The following FAM234A variants were observed in gnomAD, a reference collection of about 807,000 sequenced individuals.
FAM234A encodes the protein family with sequence similarity 234 member A.
In FAM234A, 42 loss-of-function variants were observed where a neutral mutation model predicts 49.1. That is an observed-to-expected ratio of 0.86 (90% CI 0.67 to 1.11). The LOEUF is 1.11. Ranked by LOEUF, FAM234A falls within the 50% of genes least tolerant of loss-of-function variation. FAM234A has a pLI of 0.00. For missense variants in FAM234A, 815 were observed against 745.2 expected, an observed-to-expected ratio of 1.09 and a Z score of -1.09; for synonymous variants, 369 against 316.2, an observed-to-expected ratio of 1.17 and a Z score of -1.77.
At chr16:262,392 G>A (rs1452797037) in intron 7 of FAM234A, 32 bp from the exon 8 acceptor site, 2 of 1,569,740 alleles carry the variant, frequency 1.3e-6, no homozygotes, top group Admixed American at 1.8e-5. Flanking sequence ...GCGTGACCCT[G>A]GTGACCTCGG....
downstream of FAM234A, among the ~76,000 whole-genome samples, chr16:266,842 G>A (rs534340156): frequency 2.0e-5 from 3 of 152,244 alleles, no homozygotes; most frequent in South Asian, 6.2e-4. Context: ...TGGGGCTGGA[G>A]GGAGAAGGGA....
chr16:236,495 C>T (rs1477798409), intron 1 of FAM234A, among the ~76,000 whole-genome samples: 1 of 151,458 alleles, frequency 6.6e-6, no homozygotes, highest in South Asian at 2.1e-4. Context: ...TGGTGGCGCA[C>T]ACCTGTAGTC....
Position 264,637 on chromosome 16 carries a change from C to G in FAM234A, c.1368C>G (p.Ser456Arg), listed in dbSNP as rs1486955369. The G allele has an allele frequency of 6.2e-7, 1 of 1,611,150 alleles. No homozygotes were observed. The highest frequency in any genetic ancestry group is 8.5e-7 in the Non-Finnish European group (1 of 1,179,724). ...SETETGEARH[S>R]LYMFHPTLPR... ...AGGAGACCGGGGAGGCCCGGCACAGCCTGTACATGTTCCACCCCACCCTGC... is the reference window on the plus strand; with the variant it reads ...AGGAGACCGGGGAGGCCCGGCACAGGCTGTACATGTTCCACCCCACCCTGC... The change falls in exon 12 of 13, where the codon AGC becomes AGG. Residue 456 changes from serine to arginine, a missense_variant. Physicochemically the swap from Ser to Arg is moderately radical, Grantham distance 110. Transcript: ENST00000399932.
At chr16:267,695 C>A (rs112263442), downstream of FAM234A, among the ~76,000 whole-genome samples, 12 of 128,660 alleles carry the variant, frequency 9.3e-5, no homozygotes, top group African/African-American at 4.0e-4. Context: ...ACGTGCACTA[C>A]ACACAATCAC....
intron 1 of FAM234A, chr16:248,242 A>G (rs2050884644): frequency 6.6e-6 from 1 of 152,004 alleles, no homozygotes; most frequent in Non-Finnish European, 1.5e-5. Flanking sequence ...ATCTTGTTAC[A>G]GAGATGGTCC....
At chr16:258,740 G>A (rs1332385231) in intron 3 of FAM234A, among the ~76,000 whole-genome samples, 1 of 152,204 alleles carries the variant, frequency 6.6e-6, no homozygotes, top group Non-Finnish European at 1.5e-5. Flanking sequence ...GCCGGGCAGA[G>A]GCGCCCCTCA....
rs185960630 is a variant in FAM234A, at chr16:249,484, T to C, written c.-139-65T>C. ...AGTCATGTCTTTGGGAGGATCTAAG[T>C]TCCTGACCTGCCACCTTCGCAGGCT... On this transcript the variant is annotated intron_variant, in intron 1 of 12. Transcript: ENST00000399932. The C allele has an allele frequency of 3.1e-4, 47 of 152,098 alleles. 4 individuals are homozygous for C. Among genetic ancestry groups the C allele is most frequent in the Admixed American group, 2.8e-3 (42 of 15,266 alleles). 9.4% of individuals were successfully genotyped at this position (152,098 alleles called of 1,614,324 possible).
chr16:265,423 A>T lies in FAM234A; in HGVS notation c.*401A>T, dbSNP rs2051660458. 8.9e-6 allele frequency: 9 copies of T among 1,007,272 alleles called. No homozygotes were observed. The South Asian group carries it at 3.6e-4, about 40-fold the overall frequency. 62.4% of individuals were successfully genotyped at this position (1,007,272 alleles called of 1,614,324 possible). ...CCAGAGCGGCCATCGCGTAGAAAGA[A>T]CCAGGGTGTCCCCGGGACAGGCCGT... On this transcript the variant is annotated 3_prime_UTR_variant, in exon 13 of 13. Transcript: ENST00000399932.
intron 2 of FAM234A, among the ~76,000 whole-genome samples, chr16:251,800 G>C (rs1214073964): frequency 4.7e-5 from 7 of 148,950 alleles, no homozygotes; most frequent in Non-Finnish European, 1.0e-4. Context: ...TCAGGAGATC[G>C]AGACCATCCT....
At chr16:257,189 CTT>C (rs2051267632) in intron 3 of FAM234A, among the ~76,000 whole-genome samples, 1 of 148,370 alleles carries the variant, frequency 6.7e-6, no homozygotes, top group Admixed American at 6.8e-5. Context: ...TTTCCACTCT[CTT>C]GATAGTGTCC....
chr16:241,155 G>T (rs1011054151), intron 1 of FAM234A, among the ~76,000 whole-genome samples: 1 of 151,864 alleles, frequency 6.6e-6, no homozygotes, highest in Non-Finnish European at 1.5e-5. Flanking sequence ...TCCTGCGCTC[G>T]AGTGATCTTC....
chr16:254,644 G>T lies in FAM234A; in HGVS notation c.231G>T (p.Ala77=), dbSNP rs376206846. 6 of 1,613,908 alleles carry T rather than the reference G, an allele frequency of 3.7e-6. No individual in the cohort carries two copies. In the African/African-American group the frequency reaches 8.0e-5, roughly 22 times the overall value. ...TCATCCCGTGTCCAGACCGGCCGGCGTCACAGCGAATGTGGAGGATAGACT... is the reference window on the plus strand; with the variant it reads ...TCATCCCGTGTCCAGACCGGCCGGCTTCACAGCGAATGTGGAGGATAGACT... ...SFVIPCPDRP[A]SQRMWRIDYS... The change falls in exon 3 of 13, where the codon GCG becomes GCT. Residue 77 remains alanine (A), a synonymous_variant. Coordinates refer to ENST00000399932, the MANE Select transcript of FAM234A (RefSeq NM_032039.4).
At chr16:236,012 G>T (rs1454215227) in intron 1 of FAM234A, among the ~76,000 whole-genome samples, 1 of 152,036 alleles carries the variant, frequency 6.6e-6, no homozygotes, top group South Asian at 2.1e-4. Context: ...AATTAGCTGC[G>T]TATGGTGGCA....
downstream of FAM234A, chr16:269,388 G>A: frequency 6.3e-7 from 1 of 1,598,028 alleles, no homozygotes; most frequent in Non-Finnish European, 8.5e-7. Flanking sequence ...AACACGCTGT[G>A]GGCGAGAAGG....
chr16:236,280 C>T (rs1269634659), intron 1 of FAM234A, among the ~76,000 whole-genome samples: 1 of 151,838 alleles, frequency 6.6e-6, no homozygotes, highest in African/African-American at 2.4e-5. Context: ...TTGCTCCACC[C>T]TCCTGAGTAT....
intron 3 of FAM234A, among the ~76,000 whole-genome samples, chr16:257,410 T>C (rs1166267209): frequency 6.6e-6 from 1 of 151,536 alleles, no homozygotes; most frequent in Non-Finnish European, 1.5e-5. Flanking sequence ...CATGCCTGGC[T>C]AATGTATGTA....
At chr16:249,725 C>G (rs2050931662) in intron 2 of FAM234A, 71 bp downstream of exon 2, 1 of 152,068 alleles carries the variant, frequency 6.6e-6, no homozygotes, top group Non-Finnish European at 1.5e-5. Flanking sequence ...GCGGTTGATG[C>G]CCCTCCTTGA....
In FAM234A at chr16:265,922, C is replaced by G. The variant is rs2051679411; in HGVS notation, c.*900C>G. 9 of 986,392 alleles carry G rather than the reference C, an allele frequency of 9.1e-6. No homozygotes were observed. Among genetic ancestry groups the G allele is most frequent in the Non-Finnish European group, 9.6e-6 (8 of 830,444 alleles). 61.1% of individuals were successfully genotyped at this position (986,392 alleles called of 1,614,324 possible). ...TGCTCACACGCCCACGCCGTGCCAC[C>G]CGATGCAGGACTCACCTCTGTGCCT... On this transcript the variant is annotated 3_prime_UTR_variant, in exon 13 of 13. Transcript: ENST00000399932.
chr16:255,190 A>G (rs547119318), intron 3 of FAM234A, among the ~76,000 whole-genome samples: 1 of 152,118 alleles, frequency 6.6e-6, no homozygotes, highest in Non-Finnish European at 1.5e-5. Flanking sequence ...GGGTTTTACC[A>G]TGTTAGCCAG....
Sources: gnomAD v4.1 joint callset for allele counts (sites outside exome capture counted in the v4.1 genomes callset) on GRCh38, gnomAD v4.1.1 for gene constraint, MANE v1.5 for transcripts, NCBI Gene and HGNC (gene_info 2026-07-23, HGNC 2026-07-21) for gene names.